Variants in CLTC observed in about 807,000 individuals in gnomAD.
CLTC encodes clathrin heavy chain 1.
CLTC carries 16 observed loss-of-function variants against 195.8 expected under a neutral mutation model. That is an observed-to-expected ratio of 0.08 (90% CI 0.06 to 0.12). The LOEUF (loss-of-function observed/expected upper bound fraction) is 0.12, where lower values mean the gene tolerates loss of function less well. CLTC is among the 10% of genes least tolerant of loss of function. The pLI is 1.00. For missense variants in CLTC, 796 were observed against 2,027.0 expected (o/e 0.39, Z 11.66); for synonymous variants, 667 against 689.4 (o/e 0.97, Z 0.51).
At chr17:59,678,839 AAAAAATTACATGATTAG>A (rs1193323306) in intron 17 of CLTC, among the ~76,000 whole-genome samples, 1 of 75,222 alleles carries the variant, frequency 1.3e-5, no homozygotes, top group Non-Finnish European at 2.6e-5. Flanking sequence ...CCGTCTCTAC[AAAAAATTACATGATTAG>A]CTGGGGGGAG....
At chr17:59,630,422 A>G (rs573418275) in intron 1 of CLTC, among the ~76,000 whole-genome samples, 3 of 152,374 alleles carry the variant, frequency 2.0e-5, no homozygotes, top group Admixed American at 1.3e-4. Flanking sequence ...CAATTGCGAT[A>G]AAACTCACAT....
Position 59,681,222 on chromosome 17 carries a change from A to G in CLTC, c.3066-73A>G. Reference sequence around the variant, plus strand: ...CTCTTGAGACAAAAACCTCTCCGTTAGTCACAGTGGTTATTTTTTATGTCG... The same window carrying G: ...CTCTTGAGACAAAAACCTCTCCGTTGGTCACAGTGGTTATTTTTTATGTCG... On this transcript the variant is annotated intron_variant, in intron 19 of 31. Coordinates refer to ENST00000269122, the MANE Select transcript of CLTC (RefSeq NM_004859.4). This position sits in a 1 kb window ranked among gnomAD's most constrained non-coding sequence, Gnocchi z 5.0. 1 of 1,494,608 alleles carries G rather than the reference A, an allele frequency of 6.7e-7. No individual in the cohort carries two copies. Among genetic ancestry groups the G allele is most frequent in the Non-Finnish European group, 9.1e-7 (1 of 1,099,064 alleles). The allele number at this position is 1,494,608 out of a possible 1,614,324, so 92.6% of individuals were successfully genotyped here. A position where few individuals can be genotyped will look rare whatever the true frequency, so the allele number is the denominator to read the frequency against.
chr17:59,679,885 G>A (rs1350792332), intron 18 of CLTC, among the ~76,000 whole-genome samples: 3 of 151,622 alleles, frequency 2.0e-5, no homozygotes, highest in Admixed American at 6.6e-5. Context: ...CCTGGCCAAC[G>A]TAGTAAAACC....
chr17:59,664,729 T>C, intron 9 of CLTC, 58 bp from the exon 10 acceptor site: 2 of 1,574,130 alleles, frequency 1.3e-6, no homozygotes, highest in Non-Finnish European at 1.7e-6. Context: ...AGAAAAAGTC[T>C]TTAAATGCTA....
chr17:59,685,396 A>G lies in CLTC; in HGVS notation c.4605+170A>G, dbSNP rs1197115222. 3.9e-5 allele frequency among the ~76,000 whole-genome samples: 6 copies of G among 152,186 alleles called. No homozygotes were observed. The highest frequency in any genetic ancestry group is 8.8e-5 in the Non-Finnish European group (6 of 68,030). Reference sequence around the variant, plus strand: ...TAGGGGCTCTCTTATGTTAAGGTCAAACTTGTCTGGGGAAAAAAAAGCTTT... The same window carrying G: ...TAGGGGCTCTCTTATGTTAAGGTCAGACTTGTCTGGGGAAAAAAAAGCTTT... On this transcript the variant is annotated intron_variant, in intron 29 of 31. Coordinates refer to ENST00000269122, the MANE Select transcript of CLTC (RefSeq NM_004859.4). The surrounding 1 kb of genome is among the most constrained non-coding windows in gnomAD (Gnocchi z 5.0).
In CLTC at chr17:59,619,944, C is replaced by T. The variant is rs774093650; in HGVS notation, c.-188C>T. 1.5e-5 allele frequency: 9 copies of T among 582,218 alleles called. No homozygotes were observed. The highest frequency in any genetic ancestry group is 1.1e-4 in the African/African-American group (6 of 53,420). The allele number at this position is 582,218 out of a possible 1,614,324, so 36.1% of individuals were successfully genotyped here. A position where few individuals can be genotyped will look rare whatever the true frequency, so the allele number is the denominator to read the frequency against. ...GCCCGGTTCCGCCATTGCGGCTCTC[C>T]TGGCCCCTGGAGCCTCCGCCCCCGA... On this transcript the variant is annotated 5_prime_UTR_variant, in exon 1 of 32. Transcript: ENST00000269122.
intron 30 of CLTC, chr17:59,689,305 C>A (rs1226922912): frequency 2.0e-5 from 3 of 152,098 alleles, no homozygotes; most frequent in Non-Finnish European, 4.4e-5. Flanking sequence ...AGTGCCCTAA[C>A]CTTAATGGCC....
intron 5 of CLTC, among the ~76,000 whole-genome samples, chr17:59,653,268 A>G (rs578011483): frequency 6.6e-6 from 1 of 151,082 alleles, no homozygotes; most frequent in Non-Finnish European, 1.5e-5. Context: ...ATCTCGGCTC[A>G]CTGCAAGCTC....
intron 6 of CLTC, among the ~76,000 whole-genome samples, chr17:59,656,666 A>ATTTTTTTTTTTT (rs55669818): frequency 8.3e-5 from 8 of 96,198 alleles, no homozygotes; most frequent in Admixed American, 1.3e-4. Context: ...TATTATTTTA[A>ATTTTTTTTTTTT]TTTTTTTTTT....
intron 1 of CLTC, among the ~76,000 whole-genome samples, chr17:59,641,922 A>G (rs949402036): frequency 6.6e-6 from 1 of 151,738 alleles, no homozygotes; most frequent in Admixed American, 6.6e-5. Flanking sequence ...TCCTGGGCTC[A>G]AGTGATCCTC....
chr17:59,664,109 T>A, intron 9 of CLTC, 115 bp downstream of exon 9: 1 of 893,968 alleles, frequency 1.1e-6, no homozygotes, highest in Non-Finnish European at 1.6e-6. Context: ...TTTGATTTAC[T>A]TTGAAATGTA....
At chr17:59,686,528 G>T (rs2143604453) in intron 30 of CLTC, among the ~76,000 whole-genome samples, 1 of 152,250 alleles carries the variant, frequency 6.6e-6, no homozygotes, top group South Asian at 2.1e-4. Context: ...GGGGGGATGG[G>T]AGGGTGAAGA....
At chr17:59,632,020 A>G (rs1451458452) in intron 1 of CLTC, among the ~76,000 whole-genome samples, 1 of 151,622 alleles carries the variant, frequency 6.6e-6, no homozygotes, top group Non-Finnish European at 1.5e-5. Context: ...AGAATTAAGT[A>G]AAAGTGGTGT....
intron 5 of CLTC, among the ~76,000 whole-genome samples, chr17:59,653,252 G>C (rs1254008238): frequency 6.6e-6 from 1 of 151,390 alleles, no homozygotes; most frequent in African/African-American, 2.4e-5. Context: ...GGAGTGCAGT[G>C]GTGCGATCTC....
Position 59,694,458 on chromosome 17 carries a change from TC to T in CLTC, c.*610del, listed in dbSNP as rs2033377868. ...AAAGGCCCTCTAACCTATGCAGGTTTCCCCATTATGCATATAGAAAATGCTA... is the reference window on the plus strand; with the variant it reads ...AAAGGCCCTCTAACCTATGCAGGTTTCCCATTATGCATATAGAAAATGCTA... On this transcript the variant is annotated 3_prime_UTR_variant, in exon 32 of 32. Coordinates refer to ENST00000269122, the MANE Select transcript of CLTC (RefSeq NM_004859.4). 8.9e-6 allele frequency: 2 copies of T among 224,854 alleles called. No homozygotes were observed. Among genetic ancestry groups the T allele is most frequent in the African/African-American group, 4.4e-5 (2 of 45,008 alleles). 13.9% of individuals were successfully genotyped at this position (224,854 alleles called of 1,614,324 possible). A position where few individuals can be genotyped will look rare whatever the true frequency, so the allele number is the denominator to read the frequency against.
rs1364581514 is a variant in CLTC, at chr17:59,683,886, A to G, written c.4335A>G (p.Leu1445=). Residue 1445 remains leucine (L), a synonymous_variant, in exon 28 of 32, where the codon CTA becomes CTG. Coordinates refer to ENST00000269122, the MANE Select transcript of CLTC (RefSeq NM_004859.4). This position sits in a 1 kb window ranked among gnomAD's most constrained non-coding sequence, Gnocchi z 6.1. ...AVNYFSKVKQ[L]PLVKPYLRSV... is the part of the protein sequence containing the mutation. ...TCTTTATTTTAAAGGTTAAACAGCT[A>G]CCACTGGTGAAACCGTATTTGCGTT... is the stretch of plus-strand genomic sequence containing the variant. The G allele has an allele frequency of 6.2e-7, 1 of 1,613,510 alleles. No individual in the cohort carries two copies. Among genetic ancestry groups the G allele is most frequent in the Non-Finnish European group, 8.5e-7 (1 of 1,179,496 alleles).
chr17:59,680,920 A>G lies in CLTC; in HGVS notation c.2928A>G (p.Gln976=), dbSNP rs1429598073. The G allele has an allele frequency of 2.5e-6, 4 of 1,612,856 alleles. No individual in the cohort carries two copies. The highest frequency in any genetic ancestry group is 2.5e-6 in the Non-Finnish European group (3 of 1,179,378). The change falls in exon 19 of 32, where the codon CAA becomes CAG. Residue 976 remains glutamine (Q), a synonymous_variant. Coordinates refer to ENST00000269122, the MANE Select transcript of CLTC (RefSeq NM_004859.4). ...CCATATATCCTCTGTAGGTTGTACAAACAGCTTTGTCTGAGACTCAGGACC... is the reference window on the plus strand; with the variant it reads ...CCATATATCCTCTGTAGGTTGTACAGACAGCTTTGTCTGAGACTCAGGACC... The part of the protein sequence containing the change: ...YRRPLIDQVV[Q]TALSETQDPE...
chr17:59,680,323 C>G (rs2033057874), intron 18 of CLTC, among the ~76,000 whole-genome samples: 1 of 151,708 alleles, frequency 6.6e-6, no homozygotes, highest in Admixed American at 6.6e-5. Context: ...GGTTTTATAC[C>G]TAAATAAAAT....
rs957915698 is a variant in CLTC, at chr17:59,666,296, A to G, written c.1782+56A>G. On this transcript the variant is annotated intron_variant, in intron 11 of 31. Transcript: ENST00000269122. This position sits in a 1 kb window ranked among gnomAD's most constrained non-coding sequence, Gnocchi z 4.9. ...TCCAACATTGTTTTAGTAATTGTGCAGCGCCTCTCAGATTGTTATGCAAAG... is the reference window on the plus strand; with the variant it reads ...TCCAACATTGTTTTAGTAATTGTGCGGCGCCTCTCAGATTGTTATGCAAAG... 1 of 1,591,276 alleles carries G rather than the reference A, an allele frequency of 6.3e-7. No homozygotes were observed. The highest frequency in any genetic ancestry group is 8.6e-7 in the Non-Finnish European group (1 of 1,161,938).
Sources: allele counts gnomAD v4.1 joint callset (sites outside exome capture counted in the v4.1 genomes callset), GRCh38; gene constraint gnomAD v4.1.1; non-coding constraint Gnocchi (gnomAD v3.1); transcripts MANE v1.5; gene names NCBI Gene and HGNC (gene_info 2026-07-23, HGNC 2026-07-21).